The following CLEC16A variants were observed in gnomAD, a reference collection of about 807,000 sequenced individuals.
CLEC16A encodes protein CLEC16A.
A neutral mutation model predicts 109.5 loss-of-function variants in CLEC16A; 51 were observed. The ratio of observed to expected loss-of-function variants is 0.47; its 90% CI spans 0.37 to 0.59. The LOEUF (loss-of-function observed/expected upper bound fraction) is 0.59, where lower values mean the gene tolerates loss of function less well. CLEC16A is among the 20% of genes least tolerant of loss of function. The pLI is 0.00. For missense variants in CLEC16A, 1,339 were observed against 1,394.0 expected, an observed-to-expected ratio of 0.96 and a Z score of 0.63; for synonymous variants, 673 against 564.2, an observed-to-expected ratio of 1.19 and a Z score of -2.73.
intron 5 of CLEC16A, among the ~76,000 whole-genome samples, chr16:10,971,759 C>A (rs1567522347): frequency 6.6e-6 from 1 of 152,212 alleles, no homozygotes. Flanking sequence ...AAAAGCCATT[C>A]CCCCACTCTC....
At chr16:10,990,242 G>C (rs547483880) in intron 10 of CLEC16A, among the ~76,000 whole-genome samples, 2 of 152,224 alleles carry the variant, frequency 1.3e-5, no homozygotes, top group East Asian at 3.9e-4. Context: ...CCTCACTGCA[G>C]TTACGGCTCT....
chr16:11,128,220 A>G (rs2052962213), intron 22 of CLEC16A, among the ~76,000 whole-genome samples: 1 of 152,258 alleles, frequency 6.6e-6, no homozygotes, highest in South Asian at 2.1e-4. Flanking sequence ...CATGGAGCCA[A>G]GCGGCCCATT....
chr16:10,944,882 T>G (rs2041265878), intron 1 of CLEC16A, 85 bp downstream of exon 1: 1 of 1,345,424 alleles, frequency 7.4e-7, no homozygotes, highest in Non-Finnish European at 1.0e-6. Context: ...CTAGGAGGCG[T>G]GAGAGCGGCG....
chr16:10,953,661 A>G (rs953035758), intron 1 of CLEC16A, among the ~76,000 whole-genome samples: 4 of 152,212 alleles, frequency 2.6e-5, no homozygotes, highest in Non-Finnish European at 5.9e-5. Flanking sequence ...GAAAAGCAAG[A>G]AAAAGCCACA....
intron 19 of CLEC16A, among the ~76,000 whole-genome samples, chr16:11,075,644 C>A (rs2152933326): frequency 6.6e-6 from 1 of 151,892 alleles, no homozygotes; most frequent in East Asian, 1.9e-4. Flanking sequence ...GCTATGTTGC[C>A]CTGGCTGGTC....
chr16:11,118,783 G>C (rs555929844), intron 19 of CLEC16A, among the ~76,000 whole-genome samples: 1 of 152,166 alleles, frequency 6.6e-6, no homozygotes, highest in Admixed American at 6.5e-5. Flanking sequence ...TTACATTTAA[G>C]TCTTTAATCT....
At chr16:11,010,112 C>A (rs1265568098) in intron 11 of CLEC16A, among the ~76,000 whole-genome samples, 1 of 151,542 alleles carries the variant, frequency 6.6e-6, no homozygotes, top group Admixed American at 6.6e-5. Context: ...GTGATCGTGC[C>A]ACACACTCCA....
chr16:10,950,873 C>T (rs2041694841), intron 1 of CLEC16A, among the ~76,000 whole-genome samples: 1 of 152,214 alleles, frequency 6.6e-6, no homozygotes, highest in Non-Finnish European at 1.5e-5. Context: ...TATCCTTTCT[C>T]ATGCCCCACC....
intron 23 of CLEC16A, among the ~76,000 whole-genome samples, chr16:11,177,516 C>G (rs1198560438): frequency 1.3e-5 from 2 of 151,874 alleles, no homozygotes; most frequent in African/African-American, 4.8e-5. Flanking sequence ...ACGAGAATCA[C>G]TTGACCCCGG....
intron 19 of CLEC16A, among the ~76,000 whole-genome samples, chr16:11,099,849 C>T (rs571599643): frequency 6.6e-6 from 1 of 152,308 alleles, no homozygotes; most frequent in East Asian, 1.9e-4. Context: ...GCTGTTTTCA[C>T]CCCTGTTTAC....
At chr16:11,117,565 G>A (rs367676715) in intron 19 of CLEC16A, among the ~76,000 whole-genome samples, 60 of 152,130 alleles carry the variant, frequency 3.9e-4, no homozygotes, top group African/African-American at 1.4e-3. Flanking sequence ...ATATGTGTTC[G>A]AAAGTATGTC....
intron 22 of CLEC16A, chr16:11,126,350 T>C: frequency 1.4e-6 from 2 of 1,461,166 alleles, no homozygotes; most frequent in Non-Finnish European, 1.8e-6. Context: ...CTTTAGTGTT[T>C]GGTTTGGTTT....
chr16:11,003,965 C>A (rs1449009382), intron 11 of CLEC16A, among the ~76,000 whole-genome samples: 7 of 127,364 alleles, frequency 5.5e-5, no homozygotes, highest in East Asian at 2.3e-4. Context: ...GAGATCCTGT[C>A]TCTACAAAAA....
At chr16:11,060,111 G>A (rs922795489) in intron 18 of CLEC16A, among the ~76,000 whole-genome samples, 3 of 152,224 alleles carry the variant, frequency 2.0e-5, no homozygotes, top group Admixed American at 2.0e-4. Flanking sequence ...CTCTCTGAAA[G>A]TACCTGGTGG....
At chr16:11,156,993 C>T in intron 22 of CLEC16A, 3 of 1,157,354 alleles carry the variant, frequency 2.6e-6, no homozygotes, top group South Asian at 2.8e-5. Flanking sequence ...AGACCTTCAC[C>T]CGACAGCAAA....
At position 11,128,604 on chromosome 16, in the gene CLEC16A, A is replaced by G. The variant is rs543858545; in HGVS notation, c.2641+2458A>G. 3.3e-5 allele frequency among the ~76,000 whole-genome samples: 5 copies of G among 152,312 alleles called. No homozygotes were observed. The East Asian group carries it at 9.6e-4, about 29-fold the overall frequency. ...TATCACACCACCCCCGCAAAGAGGGAGGCCTCGCTGCCCTCCCACCTTGGC... is the reference window on the plus strand; with the variant it reads ...TATCACACCACCCCCGCAAAGAGGGGGGCCTCGCTGCCCTCCCACCTTGGC... On this transcript the variant is annotated intron_variant, in intron 22 of 23. Coordinates refer to ENST00000409790, the MANE Select transcript of CLEC16A (RefSeq NM_015226.3).
chr16:11,090,109 C>A (rs928729550), intron 19 of CLEC16A, among the ~76,000 whole-genome samples: 10 of 152,166 alleles, frequency 6.6e-5, no homozygotes, highest in Non-Finnish European at 1.3e-4. Context: ...CCAAACACTC[C>A]ATTGCGTAGA....
chr16:11,151,042 CA>C (rs776172251), intron 22 of CLEC16A, among the ~76,000 whole-genome samples: 14 of 152,184 alleles, frequency 9.2e-5, no homozygotes, highest in Non-Finnish European at 1.9e-4. Context: ...AAAATGACCC[CA>C]TTTCCAAACG....
At chr16:11,055,841 G>T (rs1415264205) in intron 18 of CLEC16A, among the ~76,000 whole-genome samples, 4 of 151,722 alleles carry the variant, frequency 2.6e-5, no homozygotes, top group African/African-American at 9.7e-5. Flanking sequence ...CACCTGCCTC[G>T]GCCTCCCATG....
Sources: gnomAD v4.1 joint callset for allele counts (sites outside exome capture counted in the v4.1 genomes callset) on GRCh38, gnomAD v4.1.1 for gene constraint, MANE v1.5 for transcripts, NCBI Gene and HGNC (gene_info 2026-07-23, HGNC 2026-07-21) for gene names.